The following MBD5 variants were observed in gnomAD, a reference collection of about 807,000 sequenced individuals.
MBD5 encodes methyl-CpG binding domain protein 5.
A neutral mutation model predicts 117.3 loss-of-function variants in MBD5; 13 were observed. That is an observed-to-expected ratio of 0.11 (90% CI 0.07 to 0.18). The LOEUF (loss-of-function observed/expected upper bound fraction) is 0.18, where lower values mean the gene tolerates loss of function less well. Ranked by LOEUF, MBD5 falls within the 10% of genes least tolerant of loss-of-function variation. The pLI is 1.00. For missense variants in MBD5, 1,879 were observed against 2,093.8 expected, an observed-to-expected ratio of 0.90 and a Z score of 2.00; for synonymous variants, 727 against 766.4, an observed-to-expected ratio of 0.95 and a Z score of 0.85.
chr2:148,043,484 T>TAAATAAATAAATAAATAAAA (rs1018376982), intron 1 of MBD5, among the ~76,000 whole-genome samples: 28 of 138,132 alleles, frequency 2.0e-4, no homozygotes, highest in South Asian at 9.3e-4. Context: ...AATAAATAAA[T>TAAATAAATAAATAAATAAAA]AAAAGAATAG....
At chr2:148,112,080 T>C (rs1338805367) in intron 1 of MBD5, among the ~76,000 whole-genome samples, 2 of 152,106 alleles carry the variant, frequency 1.3e-5, no homozygotes, top group African/African-American at 2.4e-5. Context: ...CACAAACACA[T>C]ACCCAGAAAT....
At chr2:148,050,642 A>G (rs940936388) in intron 1 of MBD5, among the ~76,000 whole-genome samples, 2 of 152,136 alleles carry the variant, frequency 1.3e-5, no homozygotes, top group Non-Finnish European at 2.9e-5. Flanking sequence ...ATGAAAATTT[A>G]CATTATATCT....
At chr2:148,308,592 C>T (rs1048818396) in intron 3 of MBD5, among the ~76,000 whole-genome samples, 7 of 139,590 alleles carry the variant, frequency 5.0e-5, no homozygotes, top group East Asian at 2.2e-4. Flanking sequence ...CATTTTCTTG[C>T]GTTCTGTAGG....
At chr2:148,294,522 G>GTTTTTTTTTTTTTTTA (rs1701602396) in intron 3 of MBD5, among the ~76,000 whole-genome samples, 1 of 45,414 alleles carries the variant, frequency 2.2e-5, no homozygotes, top group African/African-American at 9.2e-5. Flanking sequence ...TTTTTTTTTT[G>GTTTTTTTTTTTTTTTA]AGATAGAGCT....
At position 148,484,114 on chromosome 2, in the gene MBD5, C is replaced by T; in HGVS notation, c.3523C>T (p.Leu1175=). ...TGTGGTGCCACAGCTACTTAACCCTCTACTGGGGACAGGTCTACTTGGTAA... is the reference window on the plus strand; with the variant it reads ...TGTGGTGCCACAGCTACTTAACCCTTTACTGGGGACAGGTCTACTTGGTAA... The part of the protein sequence containing the change: ...NSVVPQLLNP[L]LGTGLLGDMS... The change falls in exon 9 of 14, where the codon CTA becomes TTA. Residue 1175 remains leucine, a synonymous_variant. Coordinates refer to ENST00000642680, the MANE Select transcript of MBD5 (RefSeq NM_001378120.1). 2.0e-6 allele frequency: 3 copies of T among 1,511,010 alleles called. No individual in the cohort carries two copies. The highest frequency in any genetic ancestry group is 1.8e-6 in the Non-Finnish European group (2 of 1,127,270). The allele number at this position is 1,511,010 out of a possible 1,614,324, so 93.6% of individuals were successfully genotyped here.
At chr2:148,148,876 G>C (rs28475125) in intron 1 of MBD5, among the ~76,000 whole-genome samples, 62,454 of 151,812 alleles carry the variant, frequency 0.41, 13,146 homozygotes, top group South Asian at 0.51. Context: ...GCCCTTGTGG[G>C]CAACACTGTA....
intron 3 of MBD5, among the ~76,000 whole-genome samples, chr2:148,319,060 A>G (rs1378572492): frequency 1.3e-5 from 2 of 152,042 alleles, no homozygotes; most frequent in Admixed American, 6.6e-5. Flanking sequence ...TCAGTTGGTT[A>G]TATGTGTATG....
intron 1 of MBD5, among the ~76,000 whole-genome samples, chr2:148,136,648 C>T (rs1376657908): frequency 1.3e-4 from 20 of 152,146 alleles, no homozygotes; most frequent in Non-Finnish European, 4.4e-5. Context: ...ACTTGGCTAA[C>T]ATGTGAAGTT....
chr2:148,232,391 T>C (rs1046607251), intron 2 of MBD5, among the ~76,000 whole-genome samples: 1 of 152,216 alleles, frequency 6.6e-6, no homozygotes, highest in Non-Finnish European at 1.5e-5. Flanking sequence ...GAGTAGTAGA[T>C]GGTTGCAGTG....
At chr2:148,041,770 G>A (rs1335938131) in intron 1 of MBD5, among the ~76,000 whole-genome samples, 1 of 152,160 alleles carries the variant, frequency 6.6e-6, no homozygotes, top group African/African-American at 2.4e-5. Flanking sequence ...CCTTTCTTCT[G>A]CTTTCCACCC....
Position 148,515,165 on chromosome 2 carries a change from T to C in MBD5, c.*2224T>C, listed in dbSNP as rs1682319643. On this transcript the variant is annotated 3_prime_UTR_variant, in exon 14 of 14. Transcript: ENST00000642680. ...AGACAGACAGACATGTGTGTTTGTATGCTGGGTGTGTCTGTATGTGTGTAT... is the reference window on the plus strand; with the variant it reads ...AGACAGACAGACATGTGTGTTTGTACGCTGGGTGTGTCTGTATGTGTGTAT... 1 of 152,220 alleles carries C rather than the reference T, an allele frequency of 6.6e-6. No homozygotes were observed. Among genetic ancestry groups the C allele is most frequent in the Non-Finnish European group, 1.5e-5 (1 of 68,044 alleles). 9.4% of individuals were successfully genotyped at this position (152,220 alleles called of 1,614,324 possible).
chr2:148,188,008 G>T (rs748464733), intron 2 of MBD5, among the ~76,000 whole-genome samples: 2 of 152,210 alleles, frequency 1.3e-5, no homozygotes, highest in Non-Finnish European at 2.9e-5. Flanking sequence ...CAAAGAATGG[G>T]AGGGATAAAT....
intron 1 of MBD5, among the ~76,000 whole-genome samples, chr2:148,052,973 AAAAAAAAAAG>A (rs1694760336): frequency 6.8e-6 from 1 of 148,022 alleles, no homozygotes. Flanking sequence ...AAAAAAAAAA[AAAAAAAAAAG>A]AGAGAGACAA....
intron 2 of MBD5, among the ~76,000 whole-genome samples, chr2:148,189,289 C>T (rs1698767240): frequency 6.7e-6 from 1 of 150,336 alleles, no homozygotes; most frequent in Non-Finnish European, 1.5e-5. Context: ...TCTGTAGGCT[C>T]CACCTCTGGG....
intron 1 of MBD5, among the ~76,000 whole-genome samples, chr2:148,040,470 T>C (rs1031104879): frequency 6.6e-6 from 1 of 152,220 alleles, no homozygotes; most frequent in Non-Finnish European, 1.5e-5. Flanking sequence ...GATTCTTTAA[T>C]TCTATCTCTC....
chr2:148,220,923 C>T (rs1312433069), intron 2 of MBD5, among the ~76,000 whole-genome samples: 1 of 151,970 alleles, frequency 6.6e-6, no homozygotes, highest in Non-Finnish European at 1.5e-5. Flanking sequence ...CCCACGTATC[C>T]CCAACCCTCC....
chr2:148,258,824 C>G (rs76498345), intron 3 of MBD5, among the ~76,000 whole-genome samples: 17,450 of 152,202 alleles, frequency 0.11, 1,354 homozygotes, highest in Non-Finnish European at 0.18. Context: ...CCCATGGGGG[C>G]CCCCCTGTGG....
At chr2:148,236,514 A>C (rs963203886) in intron 3 of MBD5, among the ~76,000 whole-genome samples, 1 of 152,144 alleles carries the variant, frequency 6.6e-6, no homozygotes, top group African/African-American at 2.4e-5. Flanking sequence ...ACTATAAGTG[A>C]GTATAATTTT....
intron 1 of MBD5, among the ~76,000 whole-genome samples, chr2:148,105,864 T>C (rs1191906832): frequency 6.6e-6 from 1 of 152,098 alleles, no homozygotes; most frequent in Non-Finnish European, 1.5e-5. Context: ...TACAACAAAA[T>C]TGTATTTAGA....
Sources: gnomAD v4.1 joint callset for allele counts (sites outside exome capture counted in the v4.1 genomes callset) on GRCh38, gnomAD v4.1.1 for gene constraint, MANE v1.5 for transcripts, NCBI Gene and HGNC (gene_info 2026-07-23, HGNC 2026-07-21) for gene names.